Variants in PCDH11X observed in about 807,000 individuals in gnomAD.
PCDH11X encodes the protein protocadherin 11 X-linked.
In PCDH11X, 18 loss-of-function variants were observed where a neutral mutation model predicts 53.3. The observed-to-expected ratio is 0.34, with a 90% confidence interval of 0.23 to 0.50. PCDH11X has a LOEUF of 0.50. Ranked by LOEUF, PCDH11X falls within the 20% of genes least tolerant of loss-of-function variation. The pLI, the probability that PCDH11X is intolerant of heterozygous loss-of-function variation, is 0.98. For missense variants in PCDH11X, 570 were observed against 1,032.4 expected, an observed-to-expected ratio of 0.55 and a Z score of 6.14; for synonymous variants, 279 against 393.3, an observed-to-expected ratio of 0.71 and a Z score of 3.44.
At chrX:92,000,106 G>C (rs1166476795) in intron 6 of PCDH11X, among the ~76,000 whole-genome samples, 1 of 111,134 alleles carries the variant, frequency 9.0e-6, no homozygotes, top group East Asian at 2.8e-4. Context: ...TATATGACCA[G>C]GGCTGGATCA....
intron 6 of PCDH11X, among the ~76,000 whole-genome samples, chrX:92,086,860 A>G (rs1485452990): frequency 9.0e-6 from 1 of 110,668 alleles, no homozygotes; most frequent in African/African-American, 3.3e-5. Context: ...TACAGATATA[A>G]TAAGCAAATC....
At chrX:91,825,156 G>A (rs1425825597) in intron 4 of PCDH11X, among the ~76,000 whole-genome samples, 1 of 109,725 alleles carries the variant, frequency 9.1e-6, no homozygotes, top group Non-Finnish European at 1.9e-5. Flanking sequence ...CCCAGAGGTG[G>A]AGCCTACAGA....
chrX:92,120,192 T>A (rs2064730032), intron 6 of PCDH11X, among the ~76,000 whole-genome samples: 1 of 94,723 alleles, frequency 1.1e-5, no homozygotes. Context: ...ACAGAGTCTC[T>A]CTCTGTCACC....
At chrX:92,190,841 T>C (rs2066180095) in intron 6 of PCDH11X, among the ~76,000 whole-genome samples, 1 of 111,735 alleles carries the variant, frequency 8.9e-6, no homozygotes, top group African/African-American at 3.2e-5. Context: ...TTGTAAAATC[T>C]GACGTGAAAT....
In PCDH11X at chrX:92,618,383, T is replaced by C; in HGVS notation, c.3487T>C (p.Ser1163Pro). Residue 1163 changes from serine (S) to proline (P), a missense_variant, in exon 11 of 11, where the codon TCT (serine) becomes CCT (proline). Ser to Pro is a moderately conservative substitution (Grantham distance 74, BLOSUM62 -1). Transcript: ENST00000682573. ...GCCGGCATCTCTGGATCATTCCAGC[T>C]CTTCGCAAGCACAGGCCTCTGCTCT... ...WMPASLDHSS[S>P]SQAQASALCH... The C allele has an allele frequency of 8.3e-7, 1 of 1,211,547 alleles. No individual in the cohort carries two copies. Among genetic ancestry groups the C allele is most frequent in the South Asian group, 1.8e-5 (1 of 56,951 alleles).
chrX:91,820,975 A>G (rs1231572536), intron 4 of PCDH11X, among the ~76,000 whole-genome samples: 1 of 108,535 alleles, frequency 9.2e-6, no homozygotes, highest in Non-Finnish European at 1.9e-5. Flanking sequence ...CAAAGATCAG[A>G]TAGTCGTAGA....
At chrX:92,147,112 CATTATTATT>C (rs547189779) in intron 6 of PCDH11X, among the ~76,000 whole-genome samples, 1 of 106,621 alleles carries the variant, frequency 9.4e-6, no homozygotes, top group South Asian at 3.9e-4. Flanking sequence ...TCAGTAGAGA[CATTATTATT>C]ATTATTATTA....
At chrX:91,781,919 A>G (rs1935159585) in intron 1 of PCDH11X, among the ~76,000 whole-genome samples, 1 of 112,445 alleles carries the variant, frequency 8.9e-6, no homozygotes, top group Non-Finnish European at 1.9e-5. Context: ...GTCCCGCTGC[A>G]GCTGCCAGGT....
intron 6 of PCDH11X, among the ~76,000 whole-genome samples, chrX:92,185,835 AAAAAC>A (rs746921548): frequency 1.3e-3 from 150 of 111,659 alleles, no homozygotes; most frequent in Middle Eastern, 4.6e-3. Flanking sequence ...AAAAAAAAGA[AAAAAC>A]AAAACAAAAC....
chrX:91,970,500 C>A (rs2061942822), intron 6 of PCDH11X, among the ~76,000 whole-genome samples: 1 of 111,347 alleles, frequency 9.0e-6, no homozygotes, highest in Admixed American at 9.6e-5. Flanking sequence ...GTGTACAAAC[C>A]TTTAACTAGA....
At chrX:92,156,972 A>G (rs1050943638) in intron 6 of PCDH11X, among the ~76,000 whole-genome samples, 2 of 111,869 alleles carry the variant, frequency 1.8e-5, no homozygotes, top group Admixed American at 9.5e-5. Flanking sequence ...AATACACTTT[A>G]ACTAAGGCAG....
At chrX:91,974,938 GATGGGGTTTCTCC>G (rs2062025905) in intron 6 of PCDH11X, among the ~76,000 whole-genome samples, 1 of 110,145 alleles carries the variant, frequency 9.1e-6, no homozygotes, top group Admixed American at 9.7e-5. Context: ...TTTTAGTAGA[GATGGGGTTTCTCC>G]ATGTTGGTCA....
intron 6 of PCDH11X, among the ~76,000 whole-genome samples, chrX:92,048,966 C>T (rs1301569212): frequency 6.0e-4 from 67 of 112,024 alleles, no homozygotes; most frequent in Admixed American, 9.5e-4. Context: ...TAAATTTAAA[C>T]ATTTTCTGGT....
intron 6 of PCDH11X, among the ~76,000 whole-genome samples, chrX:92,080,153 A>G (rs1298532430): frequency 1.8e-5 from 2 of 111,048 alleles, no homozygotes; most frequent in Non-Finnish European, 3.8e-5. Context: ...CCAAGAGTGT[A>G]GCTGACCTGT....
At chrX:91,965,016 G>C (rs2061844905) in intron 6 of PCDH11X, among the ~76,000 whole-genome samples, 1 of 110,722 alleles carries the variant, frequency 9.0e-6, no homozygotes, top group Non-Finnish European at 1.9e-5. Context: ...ATTTGTAATA[G>C]CATTAACATT....
chrX:92,518,541 T>C (rs2074307128), intron 10 of PCDH11X, among the ~76,000 whole-genome samples: 1 of 111,424 alleles, frequency 9.0e-6, no homozygotes, highest in African/African-American at 3.3e-5. Flanking sequence ...CAATGTTTTA[T>C]ATTTTCCACT....
intron 6 of PCDH11X, among the ~76,000 whole-genome samples, chrX:92,134,492 C>G (rs185579817): frequency 9.1e-6 from 1 of 110,144 alleles, no homozygotes; most frequent in Non-Finnish European, 1.9e-5. Flanking sequence ...AAAAAAAAGA[C>G]GAGAGTATGT....
At chrX:91,788,352 G>A (rs2524819) in intron 1 of PCDH11X, among the ~76,000 whole-genome samples, 35,847 of 110,473 alleles carry the variant, frequency 0.32, 4,884 homozygotes, top group African/African-American at 0.51. Flanking sequence ...AACATAAAAA[G>A]TGATGTTTTG....
intron 9 of PCDH11X, among the ~76,000 whole-genome samples, chrX:92,394,249 A>G (rs1384310748): frequency 9.0e-6 from 1 of 111,570 alleles, no homozygotes; most frequent in Non-Finnish European, 1.9e-5. Context: ...AGTCTCTAAG[A>G]CGAGTGTATC....
Sources: gnomAD v4.1 joint callset for allele counts (sites outside exome capture counted in the v4.1 genomes callset) on GRCh38, gnomAD v4.1.1 for gene constraint, MANE v1.5 for transcripts, NCBI Gene and HGNC (gene_info 2026-07-23, HGNC 2026-07-21) for gene names.